Variants in SYNPR observed in about 807,000 individuals in gnomAD.
The protein encoded by SYNPR is synaptoporin.
In SYNPR, 23 loss-of-function variants were observed where a neutral mutation model predicts 32.9. The ratio of observed to expected loss-of-function variants is 0.70; its 90% CI spans 0.50 to 0.99. The LOEUF (loss-of-function observed/expected upper bound fraction) is 0.99, where lower values mean the gene tolerates loss of function less well. Among genes scored for constraint, SYNPR ranks in the 50% least tolerant of loss-of-function variants. SYNPR has a pLI of 0.00. For missense variants in SYNPR, 318 were observed against 349.3 expected (o/e 0.91, Z 0.71); for synonymous variants, 146 against 135.9 (o/e 1.07, Z -0.52).
At chr3:63,555,289 T>A (rs1575708580) in intron 3 of SYNPR, among the ~76,000 whole-genome samples, 4 of 149,340 alleles carry the variant, frequency 2.7e-5, no homozygotes, top group African/African-American at 9.7e-5. Flanking sequence ...AAATACTTCC[T>A]AAGTATAAGT....
chr3:63,596,926 T>A (rs1169188485), intron 4 of SYNPR, among the ~76,000 whole-genome samples: 1 of 152,154 alleles, frequency 6.6e-6, no homozygotes, highest in Admixed American at 6.6e-5. Flanking sequence ...GTGGTTATTA[T>A]GAATTAAGAT....
intron 2 of SYNPR, among the ~76,000 whole-genome samples, chr3:63,370,423 A>G (rs1008931416): frequency 1.3e-5 from 2 of 152,244 alleles, no homozygotes; most frequent in Non-Finnish European, 2.9e-5. Context: ...AAACACATTG[A>G]CAAGCTGTCT....
chr3:63,367,484 G>A (rs1156902213), intron 2 of SYNPR, among the ~76,000 whole-genome samples: 6 of 151,936 alleles, frequency 3.9e-5, no homozygotes, highest in Non-Finnish European at 7.4e-5. Context: ...AACTTCCAAA[G>A]TAGCTGACAC....
rs370325167 is a variant in SYNPR at position 63,608,577 on chromosome 3, G to A, written c.409-548G>A. On this transcript the variant is annotated intron_variant, in intron 4 of 5. Transcript: ENST00000478300. ...CCAATAACATATAGATAACACATTG[G>A]TTTGTTAAGTGAACAAACGAATGAA... Among the ~76,000 whole-genome samples, 94 of 152,092 alleles carry A rather than the reference G, an allele frequency of 6.2e-4. 3 individuals are homozygous for A. The South Asian group carries it at 0.016, about 26-fold the overall frequency.
At chr3:63,519,102 G>A (rs888858241) in intron 3 of SYNPR, among the ~76,000 whole-genome samples, 4 of 152,104 alleles carry the variant, frequency 2.6e-5, no homozygotes, top group African/African-American at 9.7e-5. Context: ...TGCATCCCAG[G>A]AATAAAGCCT....
chr3:63,288,107 CAA>C (rs1337550591), intron 2 of SYNPR, among the ~76,000 whole-genome samples: 1 of 152,100 alleles, frequency 6.6e-6, no homozygotes, highest in Non-Finnish European at 1.5e-5. Context: ...GTTCAACTAA[CAA>C]AAAAATTATT....
intron 3 of SYNPR, among the ~76,000 whole-genome samples, chr3:63,533,580 T>C (rs984161906): frequency 6.6e-6 from 1 of 152,144 alleles, no homozygotes; most frequent in African/African-American, 2.4e-5. Flanking sequence ...TGTAAACATG[T>C]GAAGACATTC....
At chr3:63,469,702 G>C (rs922579902) in intron 2 of SYNPR, among the ~76,000 whole-genome samples, 1 of 152,042 alleles carries the variant, frequency 6.6e-6, no homozygotes, top group African/African-American at 2.4e-5. Flanking sequence ...TTTAATCAAC[G>C]AATGATTGAT....
At chr3:63,206,176 C>G in the SYNPR span, among the ~76,000 whole-genome samples, 56 of 152,176 alleles carry the variant, frequency 3.7e-4, no homozygotes, top group East Asian at 0.011. Flanking sequence ...CGGGAAAATT[C>G]TCATTTTTAA....
At chr3:63,545,614 A>G (rs899378215) in intron 3 of SYNPR, 6 of 152,156 alleles carry the variant, frequency 3.9e-5, no homozygotes, top group Non-Finnish European at 5.9e-5. Flanking sequence ...GTTAAAAAAA[A>G]TAAGGCAGAT....
Position 63,342,892 on chromosome 3 carries a change from T to C in SYNPR, c.84+64150T>C, listed in dbSNP as rs570701133. 6.4e-4 allele frequency among the ~76,000 whole-genome samples: 98 copies of C among 152,344 alleles called. 2 individuals carry two copies. Among genetic ancestry groups the C allele is most frequent in the African/African-American group, 2.3e-3 (96 of 41,590 alleles). On this transcript the variant is annotated intron_variant, in intron 2 of 5. Transcript: ENST00000478300. ...TCCACTTCTTCTAAGTTGTAGAATT[T>C]ATGGGTTGAAAGTTATTTCTAGTAT... is the stretch of plus-strand genomic sequence containing the variant.
At chr3:63,475,297 G>A (rs1024653351) in intron 2 of SYNPR, among the ~76,000 whole-genome samples, 6 of 152,136 alleles carry the variant, frequency 3.9e-5, no homozygotes, top group Non-Finnish European at 8.8e-5. Context: ...TTCATTGCAG[G>A]TGATTTATTT....
chr3:63,496,667 T>G (rs780507243), intron 3 of SYNPR, among the ~76,000 whole-genome samples: 7 of 152,338 alleles, frequency 4.6e-5, no homozygotes, highest in Non-Finnish European at 8.8e-5. Context: ...TGCATTTACT[T>G]AATTACTTTA....
At chr3:63,548,637 T>C (rs1204076229) in intron 3 of SYNPR, among the ~76,000 whole-genome samples, 2 of 152,142 alleles carry the variant, frequency 1.3e-5, no homozygotes, top group African/African-American at 4.8e-5. Flanking sequence ...AGGATTAAAG[T>C]TCCTGTCGAC....
chr3:63,489,976 G>A (rs1018816081), intron 3 of SYNPR, among the ~76,000 whole-genome samples: 1 of 152,170 alleles, frequency 6.6e-6, no homozygotes, highest in Admixed American at 6.5e-5. Context: ...CAAAGAGGCA[G>A]GGATGCAATC....
chr3:63,302,946 G>A (rs1361100375), intron 2 of SYNPR, among the ~76,000 whole-genome samples: 1 of 151,820 alleles, frequency 6.6e-6, no homozygotes, highest in African/African-American at 2.4e-5. Flanking sequence ...AATATTTAAG[G>A]TGATGGATAT....
At chr3:63,481,866 G>A (rs1313087002) in intron 3 of SYNPR, among the ~76,000 whole-genome samples, 1 of 152,122 alleles carries the variant, frequency 6.6e-6, no homozygotes, top group Non-Finnish European at 1.5e-5. Flanking sequence ...CCGGGCAGCG[G>A]GGCTGGGATG....
intron 2 of SYNPR, among the ~76,000 whole-genome samples, chr3:63,446,280 GTT>G (rs201372951): frequency 8.8e-4 from 123 of 140,488 alleles, no homozygotes; most frequent in Non-Finnish European, 1.6e-3. Flanking sequence ...CTCCCACCAT[GTT>G]TTTTTTTTTT....
intron 2 of SYNPR, among the ~76,000 whole-genome samples, chr3:63,421,520 T>TA (rs1453034517): frequency 1.3e-5 from 2 of 151,926 alleles, no homozygotes; most frequent in East Asian, 1.9e-4. Context: ...TTCATTTGTT[T>TA]AAAAAATCTA....
Sources: allele counts gnomAD v4.1 joint callset (sites outside exome capture counted in the v4.1 genomes callset), GRCh38; gene constraint gnomAD v4.1.1; transcripts MANE v1.5; gene names NCBI Gene and HGNC (gene_info 2026-07-23, HGNC 2026-07-21).